Variants in RNF216 observed in about 807,000 individuals in gnomAD.
The protein encoded by RNF216 is E3 ubiquitin-protein ligase RNF216.
Under a neutral mutation model 110.8 loss-of-function variants are expected in RNF216, and 72 were observed. That is an observed-to-expected ratio of 0.65 (90% CI 0.54 to 0.79). The LOEUF is 0.79. RNF216 is among the 30% of genes least tolerant of loss of function. The pLI, the probability that RNF216 is intolerant of heterozygous loss-of-function variation, is 0.00. For missense variants in RNF216, 1,342 were observed against 1,141.2 expected (o/e 1.18, Z -2.54); for synonymous variants, 495 against 407.5 (o/e 1.21, Z -2.59).
rs73339931 is a variant in RNF216, at chr7:5,681,340, C to T, written c.2062-28830G>A. Among the ~76,000 whole-genome samples the T allele has an allele frequency of 5.9e-3, 897 of 152,286 alleles. 10 individuals are homozygous for T. The highest frequency in any genetic ancestry group is 0.02 in the African/African-American group (850 of 41,550). On this transcript the variant is annotated intron_variant, in intron 13 of 16. Coordinates refer to ENST00000389902, the MANE Select transcript of RNF216 (RefSeq NM_207111.4). Reference sequence around the variant, plus strand: ...CATTTACCTGTTTTAGGAAAAAATACAAACTTTATTCTGAAAGAGAAAAGT... The same window carrying T: ...CATTTACCTGTTTTAGGAAAAAATATAAACTTTATTCTGAAAGAGAAAAGT...
intron 2 of RNF216, among the ~76,000 whole-genome samples, chr7:5,756,749 C>T (rs1276382934): frequency 6.6e-6 from 1 of 152,156 alleles, no homozygotes; most frequent in Non-Finnish European, 1.5e-5. Flanking sequence ...CTTGGTATCC[C>T]AAGTACCTGG....
intron 15 of RNF216, among the ~76,000 whole-genome samples, chr7:5,635,278 CCACT>C (rs377597829): frequency 5.3e-5 from 8 of 151,612 alleles, no homozygotes; most frequent in African/African-American, 1.9e-4. Flanking sequence ...CACACCCACC[CCACT>C]AACTTCACTT....
chr7:5,712,264 G>A (rs984401497), intron 12 of RNF216, among the ~76,000 whole-genome samples: 1 of 152,210 alleles, frequency 6.6e-6, no homozygotes, highest in Non-Finnish European at 1.5e-5. Context: ...TGGATCATTT[G>A]AGGTCAGGAG....
rs1206904756 is a variant in RNF216, at chr7:5,765,792, A to T, written c.-69-4654T>A. Among the ~76,000 whole-genome samples the T allele has an allele frequency of 5.9e-5, 3 of 50,830 alleles. No individual in the cohort carries two copies. In the South Asian group the frequency reaches 1.9e-3, roughly 32 times the overall value. The allele number at this position is 50,830 out of a possible 152,430, so 33.3% of individuals were successfully genotyped here. A position where few individuals can be genotyped will look rare whatever the true frequency, so the allele number is the denominator to read the frequency against. On this transcript the variant is annotated intron_variant, in intron 1 of 16. Transcript: ENST00000389902. ...ACCCCGTCTCTACTAAAATACAAAA[A>T]AAAAAAAAAAAAAATTAGCCAGGCG...
chr7:5,700,050 C>G (rs1791866442), intron 13 of RNF216, among the ~76,000 whole-genome samples: 1 of 152,214 alleles, frequency 6.6e-6, no homozygotes, highest in Admixed American at 6.5e-5. Context: ...CCTAAACACT[C>G]CTCTTTGCTA....
At chr7:5,738,991 A>G (rs1039690433) in intron 5 of RNF216, among the ~76,000 whole-genome samples, 1 of 152,192 alleles carries the variant, frequency 6.6e-6, no homozygotes, top group Non-Finnish European at 1.5e-5. Context: ...GAACAAACAC[A>G]TGAGGTCCCT....
chr7:5,704,506 T>TA (rs1792165866), intron 13 of RNF216, among the ~76,000 whole-genome samples: 1 of 152,250 alleles, frequency 6.6e-6, no homozygotes, highest in South Asian at 2.1e-4. Context: ...ACTTCTTAGA[T>TA]AAAGTCTAAA....
At chr7:5,728,523 G>A (rs757062233) in intron 7 of RNF216, among the ~76,000 whole-genome samples, 8 of 151,544 alleles carry the variant, frequency 5.3e-5, no homozygotes, top group East Asian at 1.9e-4. Context: ...GCAGTGAGCC[G>A]AGATTAGGCC....
At chr7:5,766,834 GA>G in intron 1 of RNF216, 1 of 152,256 alleles carries the variant, frequency 6.6e-6, no homozygotes, top group African/African-American at 2.4e-5. Flanking sequence ...TTTAAAAGGT[GA>G]AACTAAAATT....
intron 13 of RNF216, among the ~76,000 whole-genome samples, chr7:5,685,802 C>G (rs79732911): frequency 6.3e-4 from 96 of 152,348 alleles, no homozygotes; most frequent in African/African-American, 2.2e-3. Flanking sequence ...CCCATTAATC[C>G]TCATGCCTTG....
intron 14 of RNF216, among the ~76,000 whole-genome samples, chr7:5,643,663 T>C (rs1787878379): frequency 6.6e-6 from 1 of 152,228 alleles, no homozygotes; most frequent in South Asian, 2.1e-4. Flanking sequence ...TGTGTATGCA[T>C]TCTTTTGCTG....
At chr7:5,726,837 G>A (rs1177612386) in intron 7 of RNF216, among the ~76,000 whole-genome samples, 2 of 150,722 alleles carry the variant, frequency 1.3e-5, no homozygotes, top group African/African-American at 2.4e-5. Context: ...CAGCCTAGGC[G>A]ACAGAGCGTG....
At chr7:5,709,807 T>A (rs560766952) in intron 13 of RNF216, among the ~76,000 whole-genome samples, 5 of 152,294 alleles carry the variant, frequency 3.3e-5, no homozygotes, top group African/African-American at 1.2e-4. Context: ...CAGGCTAGAG[T>A]GCAGTGGCGC....
At chr7:5,670,978 T>C (rs1368061821) in intron 13 of RNF216, among the ~76,000 whole-genome samples, 4 of 152,150 alleles carry the variant, frequency 2.6e-5, no homozygotes. Context: ...GTGAACTGCT[T>C]GGTTCCGGGG....
intron 15 of RNF216, among the ~76,000 whole-genome samples, chr7:5,627,323 G>A (rs1289071964): frequency 1.3e-5 from 2 of 152,230 alleles, no homozygotes; most frequent in African/African-American, 4.8e-5. Context: ...GGACCGTGCT[G>A]GACGCTGCAG....
intron 1 of RNF216, among the ~76,000 whole-genome samples, chr7:5,771,275 A>T (rs551339856): frequency 6.6e-5 from 10 of 152,204 alleles, no homozygotes; most frequent in Non-Finnish European, 1.0e-4. Context: ...AGATAACTAC[A>T]CATTTAAACA....
At chr7:5,657,727 C>A (rs753513185) in intron 13 of RNF216, among the ~76,000 whole-genome samples, 1 of 152,096 alleles carries the variant, frequency 6.6e-6, no homozygotes, top group South Asian at 2.1e-4. Flanking sequence ...AGATGCTGGT[C>A]CTCCCCACCC....
In RNF216 at chr7:5,622,785, G is replaced by A; in HGVS notation, c.*75C>T. On this transcript the variant is annotated 3_prime_UTR_variant, in exon 17 of 17. Transcript: ENST00000389902. Reference sequence around the variant, plus strand: ...TTAGGATGCAATGGTACAGACACCAGCCTTGGGGGAGGGTTCTCCATCCAC... The same window carrying A: ...TTAGGATGCAATGGTACAGACACCAACCTTGGGGGAGGGTTCTCCATCCAC... 1 of 1,412,172 alleles carries A rather than the reference G, an allele frequency of 7.1e-7. No individual in the cohort carries two copies. The highest frequency in any genetic ancestry group is 9.7e-7 in the Non-Finnish European group (1 of 1,033,556). The allele number at this position is 1,412,172 out of a possible 1,614,324, so 87.5% of individuals were successfully genotyped here.
chr7:5,698,097 G>T (rs1438233697), intron 13 of RNF216, among the ~76,000 whole-genome samples: 1 of 152,152 alleles, frequency 6.6e-6, no homozygotes, highest in African/African-American at 2.4e-5. Flanking sequence ...AGGCTATGGG[G>T]ATTTCATCTG....
Sources: allele counts gnomAD v4.1 joint callset (sites outside exome capture counted in the v4.1 genomes callset), GRCh38; gene constraint gnomAD v4.1.1; transcripts MANE v1.5; gene names NCBI Gene and HGNC (gene_info 2026-07-23, HGNC 2026-07-21).